USP13: variants seen among roughly 807,000 people sequenced by gnomAD.
USP13 encodes ubiquitin specific peptidase 13, also known as ubiquitin carboxyl-terminal hydrolase 13.
In USP13, 68 loss-of-function variants were observed where a neutral mutation model predicts 107.8. The ratio of observed to expected loss-of-function variants is 0.63; its 90% CI spans 0.52 to 0.77. The LOEUF is 0.77. USP13 is among the 30% of genes least tolerant of loss of function. The pLI is 0.00. For synonymous variants in USP13, 377 were observed against 389.5 expected (o/e 0.97, Z 0.38); for missense variants, 945 against 1,093.3 (o/e 0.86, Z 1.91).
At chr3:179,729,246 T>C (rs1346414751) in intron 8 of USP13, among the ~76,000 whole-genome samples, 1 of 152,128 alleles carries the variant, frequency 6.6e-6, no homozygotes, top group Admixed American at 6.5e-5. Flanking sequence ...TAGCTGTTTC[T>C]GGCTACCCAG....
At chr3:179,749,093 G>GT (rs1436716969) in intron 13 of USP13, among the ~76,000 whole-genome samples, 4 of 152,004 alleles carry the variant, frequency 2.6e-5, no homozygotes, top group East Asian at 1.9e-4. Flanking sequence ...GAAGATTATG[G>GT]TTTTTTTTAG....
chr3:179,781,906 A>G, intron 20 of USP13, 83 bp downstream of exon 20: 2 of 1,223,246 alleles, frequency 1.6e-6, no homozygotes, highest in Non-Finnish European at 2.4e-6. Context: ...GGTACATTGT[A>G]TGTTATCTTA....
intron 13 of USP13, among the ~76,000 whole-genome samples, chr3:179,746,675 TC>T (rs1714420547): frequency 6.6e-6 from 1 of 152,012 alleles, no homozygotes; most frequent in Non-Finnish European, 1.5e-5. Flanking sequence ...CAGGTGATCC[TC>T]CCTCCTTGGC....
At chr3:179,726,084 G>A (rs577290311) in intron 8 of USP13, among the ~76,000 whole-genome samples, 2 of 152,220 alleles carry the variant, frequency 1.3e-5, no homozygotes, top group African/African-American at 4.8e-5. Flanking sequence ...AAGTCAGTCA[G>A]AAGCAGATGG....
intron 10 of USP13, among the ~76,000 whole-genome samples, chr3:179,732,037 T>C (rs1713826221): frequency 1.3e-5 from 2 of 152,076 alleles, no homozygotes; most frequent in African/African-American, 4.8e-5. Flanking sequence ...GCCTTGGGGA[T>C]GGGGAGAAAG....
chr3:179,659,592 C>A lies in USP13; in HGVS notation c.168+6199C>A, dbSNP rs949897528. On this transcript the variant is annotated intron_variant, in intron 1 of 20. Coordinates refer to ENST00000263966, the MANE Select transcript of USP13 (RefSeq NM_003940.3). Reference sequence around the variant, plus strand: ...TCTAATTATTGCATATATTATTATACCTACATGAACTCATTTAATCATCAC... The same window carrying A: ...TCTAATTATTGCATATATTATTATAACTACATGAACTCATTTAATCATCAC... 2.0e-5 allele frequency among the ~76,000 whole-genome samples: 3 copies of A among 152,086 alleles called. No homozygotes were observed. The East Asian group carries it at 5.8e-4, about 29-fold the overall frequency.
At chr3:179,735,999 C>G (rs907779800) in intron 10 of USP13, among the ~76,000 whole-genome samples, 1 of 152,166 alleles carries the variant, frequency 6.6e-6, no homozygotes, top group Non-Finnish European at 1.5e-5. Flanking sequence ...GTGATTGCAC[C>G]ATTGCCATCC....
At chr3:179,697,534 G>C (rs1426880986) in intron 3 of USP13, among the ~76,000 whole-genome samples, 1 of 152,108 alleles carries the variant, frequency 6.6e-6, no homozygotes, top group African/African-American at 2.4e-5. Flanking sequence ...CATCAAAGCA[G>C]AGTTTATATT....
At chr3:179,694,914 C>T (rs924585638) in intron 3 of USP13, among the ~76,000 whole-genome samples, 2 of 152,178 alleles carry the variant, frequency 1.3e-5, no homozygotes, top group Non-Finnish European at 2.9e-5. Flanking sequence ...TCATAGAGCC[C>T]CCAATCAGTT....
At chr3:179,760,457 G>A (rs1212381310) in intron 16 of USP13, among the ~76,000 whole-genome samples, 1 of 151,692 alleles carries the variant, frequency 6.6e-6, no homozygotes, top group Non-Finnish European at 1.5e-5. Flanking sequence ...CTAATTTTTT[G>A]TATTTTTAGT....
intron 10 of USP13, among the ~76,000 whole-genome samples, chr3:179,739,828 G>A (rs771611211): frequency 2.0e-5 from 3 of 152,156 alleles, no homozygotes; most frequent in Non-Finnish European, 4.4e-5. Context: ...CAAAATGCTA[G>A]GATTACAGGC....
chr3:179,779,455 A>G (rs1715664431), intron 19 of USP13, among the ~76,000 whole-genome samples: 4 of 151,948 alleles, frequency 2.6e-5, no homozygotes, highest in Non-Finnish European at 4.4e-5. Context: ...ACTTGAAGCC[A>G]GGGGGTGGAG....
rs181299170 is a variant in USP13 at position 179,740,482 on chromosome 3, A to G, written c.1380+110A>G. The G allele has an allele frequency of 7.9e-3, 11,815 of 1,499,906 alleles. 75 individuals are homozygous for G. Among genetic ancestry groups the G allele is most frequent in the Non-Finnish European group, 9.3e-3 (10,243 of 1,102,142 alleles). 92.9% of individuals were successfully genotyped at this position (1,499,906 alleles called of 1,614,324 possible). A position where few individuals can be genotyped will look rare whatever the true frequency, so the allele number is the denominator to read the frequency against. On this transcript the variant is annotated intron_variant, in intron 11 of 20. Transcript: ENST00000263966. The stretch of plus-strand genomic sequence containing the variant: ...AATGCCTCCCCACTCTCTTTCTTCA[A>G]TCTCTCCTGTTAAAGCTGGTTCAGA...
rs185279766 is a variant in USP13 at position 179,653,661 on chromosome 3, G to T, written c.168+268G>T. On this transcript the variant is annotated intron_variant, in intron 1 of 20. Coordinates refer to ENST00000263966, the MANE Select transcript of USP13 (RefSeq NM_003940.3). This position sits in a 1 kb window ranked among gnomAD's most constrained non-coding sequence, Gnocchi z 4.0. ...GCAGCTTGCACACAGCCCCGCCGCCGTTTAAAGATAGATGAAATACAAGAG... is the reference window on the plus strand; with the variant it reads ...GCAGCTTGCACACAGCCCCGCCGCCTTTTAAAGATAGATGAAATACAAGAG... 5.7e-4 allele frequency: 262 copies of T among 459,252 alleles called. 3 individuals are homozygous for T. In the East Asian group the frequency reaches 0.01, roughly 18 times the overall value. The allele number at this position is 459,252 out of a possible 1,614,324, so 28.4% of individuals were successfully genotyped here.
At position 179,756,260 on chromosome 3, in the gene USP13, TA is replaced by T. The variant is rs202191668; in HGVS notation, c.1922-787del. Among the ~76,000 whole-genome samples the T allele has an allele frequency of 6.6e-3, 1,011 of 152,150 alleles. 16 individuals carry two copies. The highest frequency in any genetic ancestry group is 0.023 in the African/African-American group (971 of 41,508). On this transcript the variant is annotated intron_variant, in intron 15 of 20. Coordinates refer to ENST00000263966, the MANE Select transcript of USP13 (RefSeq NM_003940.3). ...CAACATGGTGAAACCTCACCTCTAC[TA>T]AAAATACGAAAGTTCACTGGGCGTG...
At chr3:179,760,505 G>A (rs1000625871) in intron 16 of USP13, among the ~76,000 whole-genome samples, 6 of 151,598 alleles carry the variant, frequency 4.0e-5, no homozygotes, top group African/African-American at 1.2e-4. Context: ...GGATGGTCTC[G>A]ATCTCCTGAC....
Position 179,752,733 on chromosome 3 carries a change from T to G in USP13, c.1798+360T>G, listed in dbSNP as rs150711242. The stretch of plus-strand genomic sequence containing the variant: ...CTGGAGTGGGCCTGTGATTCTGTGT[T>G]TCTAACAAGCTCCCACGTGATGCTG... On this transcript the variant is annotated intron_variant, in intron 14 of 20. Coordinates refer to ENST00000263966, the MANE Select transcript of USP13 (RefSeq NM_003940.3). 8.3e-3 allele frequency among the ~76,000 whole-genome samples: 1,261 copies of G among 152,324 alleles called. 14 individuals carry two copies. Among genetic ancestry groups the G allele is most frequent in the South Asian group, 0.014 (70 of 4,828 alleles).
intron 1 of USP13, among the ~76,000 whole-genome samples, chr3:179,677,321 C>T (rs546773406): frequency 4.0e-5 from 6 of 151,858 alleles, no homozygotes; most frequent in African/African-American, 9.7e-5. Context: ...CAGTGGCTCA[C>T]GCTGTAATCC....
rs1714836622 is a variant in USP13 at position 179,757,127 on chromosome 3, C to G, written c.1948+49C>G. 1.9e-6 allele frequency: 3 copies of G among 1,592,038 alleles called. No homozygotes were observed. The African/African-American group carries it at 4.0e-5, about 21-fold the overall frequency. On this transcript the variant is annotated intron_variant, in intron 16 of 20. Coordinates refer to ENST00000263966, the MANE Select transcript of USP13 (RefSeq NM_003940.3). ...TCAATGTCCTACTGTTGTTATTAAT[C>G]TGATGAATTTGTCTGTGAAAGTTCA...
Sources: allele counts gnomAD v4.1 joint callset (sites outside exome capture counted in the v4.1 genomes callset), GRCh38; gene constraint gnomAD v4.1.1; non-coding constraint Gnocchi (gnomAD v3.1); transcripts MANE v1.5; gene names NCBI Gene and HGNC (gene_info 2026-07-23, HGNC 2026-07-21).